Variants in UTRN observed in about 807,000 individuals in gnomAD.
UTRN encodes the protein dystrophin-related protein 1.
In UTRN, 283 loss-of-function variants were observed where a neutral mutation model predicts 463.9. The observed-to-expected ratio is 0.61, with a 90% CI of 0.55 to 0.67. The LOEUF (loss-of-function observed/expected upper bound fraction) is 0.67, where lower values mean the gene tolerates loss of function less well. Among genes scored for constraint, UTRN ranks in the 30% least tolerant of loss-of-function variants. The pLI is 0.00. For synonymous variants in UTRN, 1,442 were observed against 1,431.5 expected (o/e 1.01, Z -0.17); for missense variants, 3,922 against 4,084.3 (o/e 0.96, Z 1.08).
chr6:144,439,704 T>A (rs1029279647), intron 12 of UTRN, among the ~76,000 whole-genome samples: 1 of 152,176 alleles, frequency 6.6e-6, no homozygotes, highest in African/African-American at 2.4e-5. Flanking sequence ...GGTTTCACCA[T>A]GTTGGCCAGG....
chr6:144,571,509 A>G (rs1163271455), intron 50 of UTRN, among the ~76,000 whole-genome samples: 1 of 152,186 alleles, frequency 6.6e-6, no homozygotes. Flanking sequence ...TGGGTATGCC[A>G]TCATCTTTCA....
At chr6:144,721,808 C>T (rs2128709231) in intron 53 of UTRN, among the ~76,000 whole-genome samples, 1 of 152,066 alleles carries the variant, frequency 6.6e-6, no homozygotes, top group African/African-American at 2.4e-5. Context: ...AGACACATAG[C>T]CTGAAGGTAA....
intron 39 of UTRN, among the ~76,000 whole-genome samples, chr6:144,518,356 A>T (rs566442812): frequency 6.6e-6 from 1 of 152,240 alleles, no homozygotes; most frequent in Non-Finnish European, 1.5e-5. Flanking sequence ...ATAACGACAT[A>T]CAAAGTCTTC....
intron 9 of UTRN, 100 bp downstream of exon 9, chr6:144,429,841 A>AACCAAGATGTTCTCAGT: frequency 7.7e-7 from 1 of 1,293,884 alleles, no homozygotes; most frequent in Non-Finnish European, 1.1e-6. Context: ...TTGACTGAGA[A>AACCAAGATGTTCTCAGT]CATCTTGGTT....
At chr6:144,577,396 CTT>C in intron 51 of UTRN, 108 bp downstream of exon 51, 1 of 1,125,512 alleles carries the variant, frequency 8.9e-7, no homozygotes, top group Non-Finnish European at 1.3e-6. Flanking sequence ...ACTTTATTCT[CTT>C]ATGAAATCCG....
intron 13 of UTRN, among the ~76,000 whole-genome samples, chr6:144,442,541 G>A (rs943194156): frequency 2.6e-5 from 4 of 152,128 alleles, no homozygotes; most frequent in Non-Finnish European, 4.4e-5. Flanking sequence ...GTTCCACATC[G>A]TTGGGGAGGC....
intron 3 of UTRN, among the ~76,000 whole-genome samples, chr6:144,417,310 C>T (rs904013019): frequency 1.3e-5 from 2 of 152,086 alleles, no homozygotes; most frequent in Non-Finnish European, 2.9e-5. Context: ...ATTTTAGTAG[C>T]AGTATAGCAC....
At chr6:144,746,937 T>G (rs1475638062) in intron 54 of UTRN, among the ~76,000 whole-genome samples, 3 of 152,228 alleles carry the variant, frequency 2.0e-5, no homozygotes, top group African/African-American at 7.2e-5. Context: ...GTTCTGCGGT[T>G]GCTAAATATC....
intron 2 of UTRN, among the ~76,000 whole-genome samples, chr6:144,321,938 AT>A (rs1775686135): frequency 6.6e-6 from 1 of 150,972 alleles, no homozygotes; most frequent in African/African-American, 2.4e-5. Flanking sequence ...TGATTTTTGC[AT>A]TTTTAGTAGA....
intron 7 of UTRN, 62 bp downstream of exon 7, chr6:144,426,521 G>C: frequency 6.7e-7 from 1 of 1,498,516 alleles, no homozygotes; most frequent in East Asian, 2.5e-5. Flanking sequence ...CTGTCCCTTT[G>C]CTGCCACCAC....
intron 34 of UTRN, among the ~76,000 whole-genome samples, chr6:144,507,343 A>G (rs1252890063): frequency 3.3e-5 from 5 of 151,908 alleles, no homozygotes; most frequent in Non-Finnish European, 7.4e-5. Flanking sequence ...AGGAGAAGAG[A>G]CATCCTGGTT....
intron 53 of UTRN, among the ~76,000 whole-genome samples, chr6:144,724,918 T>C (rs1444669114): frequency 6.6e-6 from 1 of 152,248 alleles, no homozygotes; most frequent in African/African-American, 2.4e-5. Flanking sequence ...AGTGTTTATG[T>C]GGACATGTTT....
intron 58 of UTRN, 92 bp downstream of exon 58, chr6:144,758,081 A>AGGACT: frequency 1.8e-6 from 2 of 1,086,958 alleles, no homozygotes; most frequent in South Asian, 1.5e-5. Flanking sequence ...TTTTAAAAAT[A>AGGACT]GAATTCAGTC....
In UTRN at chr6:144,577,198, G is replaced by A. The variant is rs761662499; in HGVS notation, c.7389G>A (p.Glu2463=). The change falls in exon 51 of 75, where the codon GAG becomes GAA. Residue 2463 remains glutamate, a synonymous_variant. Transcript: ENST00000367545. The part of the protein sequence containing the change: ...ENFLKWIQEA[E]TTVNVLVDAS... Reference sequence around the variant, plus strand: ...TCCTGAAGTGGATCCAAGAAGCAGAGACCACAGTGAATGTGCTTGTGGATG... The same window carrying A: ...TCCTGAAGTGGATCCAAGAAGCAGAAACCACAGTGAATGTGCTTGTGGATG... The A allele has an allele frequency of 3.7e-6, 6 of 1,613,850 alleles. No individual in the cohort carries two copies. Among genetic ancestry groups the A allele is most frequent in the Middle Eastern group, 1.6e-4 (1 of 6,072 alleles).
intron 52 of UTRN, among the ~76,000 whole-genome samples, chr6:144,696,313 T>G (rs1784002980): frequency 6.6e-6 from 1 of 152,224 alleles, no homozygotes; most frequent in Non-Finnish European, 1.5e-5. Flanking sequence ...TATCTATATC[T>G]ACACTGGTTA....
intron 51 of UTRN, among the ~76,000 whole-genome samples, chr6:144,653,363 A>G (rs1779017034): frequency 6.6e-6 from 1 of 152,160 alleles, no homozygotes; most frequent in Non-Finnish European, 1.5e-5. Context: ...AGGCAAGTGG[A>G]TCACGAGGTC....
At chr6:144,760,118 A>G (rs189882733) in intron 58 of UTRN, among the ~76,000 whole-genome samples, 4 of 152,166 alleles carry the variant, frequency 2.6e-5, no homozygotes, top group African/African-American at 7.2e-5. Context: ...ATGAATTTCT[A>G]TATGTTTAGG....
chr6:144,836,555 AATT>A lies in UTRN; in HGVS notation c.10065+15_10065+17del. 2 of 1,612,030 alleles carry A rather than the reference AATT, an allele frequency of 1.2e-6. No homozygotes were observed. Among genetic ancestry groups the A allele is most frequent in the Non-Finnish European group, 1.7e-6 (2 of 1,179,428 alleles). ...CTGCTGGAGCAGGTAGGGTGTGTAG[AATT>A]CAGCGTCACACCTCCCCAGGCCATC... On this transcript the variant is annotated intron_variant, in intron 71 of 74. Coordinates refer to ENST00000367545, the MANE Select transcript of UTRN (RefSeq NM_007124.3).
chr6:144,433,853 T>C (rs146576398), intron 9 of UTRN, among the ~76,000 whole-genome samples: 2 of 144,924 alleles, frequency 1.4e-5, no homozygotes, highest in Non-Finnish European at 3.0e-5. Context: ...CTCCTCACTT[T>C]CCAGACTGGG....
Sources: allele counts gnomAD v4.1 joint callset (sites outside exome capture counted in the v4.1 genomes callset), GRCh38; gene constraint gnomAD v4.1.1; transcripts MANE v1.5; gene names NCBI Gene and HGNC (gene_info 2026-07-23, HGNC 2026-07-21).